The following ATRNL1 variants were observed in gnomAD, a reference collection of about 807,000 sequenced individuals.
ATRNL1 encodes the protein attractin-like protein 1.
Under a neutral mutation model 182.7 loss-of-function variants are expected in ATRNL1, and 95 were observed. The ratio of observed to expected loss-of-function variants is 0.52; its 90% confidence interval spans 0.44 to 0.62. ATRNL1 has a LOEUF of 0.62. ATRNL1 is among the 20% of genes least tolerant of loss of function. The pLI, the probability that ATRNL1 is intolerant of heterozygous loss-of-function variation, is 0.00. For missense variants in ATRNL1, 1,471 were observed against 1,679.5 expected (o/e 0.88, Z 2.17); for synonymous variants, 576 against 568.3 (o/e 1.01, Z -0.19).
intron 9 of ATRNL1, among the ~76,000 whole-genome samples, chr10:115,227,360 C>T: frequency 6.6e-6 from 1 of 152,084 alleles, no homozygotes; most frequent in South Asian, 2.1e-4. Context: ...AATGAGGTAT[C>T]ACACCAGTCA....
Position 115,467,209 on chromosome 10 carries a change from A to G in ATRNL1, c.3453A>G (p.Ser1151=). The G allele has an allele frequency of 6.2e-7, 1 of 1,605,066 alleles. No homozygotes were observed. Among genetic ancestry groups the G allele is most frequent in the Non-Finnish European group, 8.5e-7 (1 of 1,174,616 alleles). The change falls in exon 23 of 29, where the codon TCA becomes TCG. Residue 1151 remains serine (S), a synonymous_variant. Transcript: ENST00000355044. ...NKNLDISINA[S]NNFNLNITWS... ...ATCTGGATATATCAATTAATGCATC[A>G]AACAACTTTAATCTCAACATTACGT...
intron 27 of ATRNL1, among the ~76,000 whole-genome samples, chr10:115,821,631 A>C (rs1950301014): frequency 6.6e-6 from 1 of 152,206 alleles, no homozygotes; most frequent in Non-Finnish European, 1.5e-5. Context: ...AAGGGTTGCA[A>C]TCCTAGCCTC....
At chr10:115,140,479 A>C (rs1302490926) in intron 5 of ATRNL1, among the ~76,000 whole-genome samples, 2 of 152,238 alleles carry the variant, frequency 1.3e-5, no homozygotes, top group Non-Finnish European at 2.9e-5. Flanking sequence ...GTTAAGAGAC[A>C]AACCAGCAAG....
intron 28 of ATRNL1, among the ~76,000 whole-genome samples, chr10:115,921,668 A>G (rs1398123899): frequency 6.6e-6 from 1 of 152,206 alleles, no homozygotes; most frequent in African/African-American, 2.4e-5. Context: ...GGTGTTGAGA[A>G]CAAGTAGTAG....
At position 115,463,037 on chromosome 10, in the gene ATRNL1, T is replaced by G. The variant is rs573632671; in HGVS notation, c.3417+1002T>G. Among the ~76,000 whole-genome samples, 10 of 151,784 alleles carry G rather than the reference T, an allele frequency of 6.6e-5. No individual in the cohort carries two copies. In the South Asian group the frequency reaches 1.9e-3, roughly 28 times the overall value. On this transcript the variant is annotated intron_variant, in intron 22 of 28. Transcript: ENST00000355044. ...GAAGTTATGTTAAATATATATATTATTATTATGAATTCATCCATATTGTTA... is the reference window on the plus strand; with the variant it reads ...GAAGTTATGTTAAATATATATATTAGTATTATGAATTCATCCATATTGTTA...
intron 21 of ATRNL1, among the ~76,000 whole-genome samples, chr10:115,445,869 G>C (rs907117910): frequency 4.1e-4 from 2 of 4,930 alleles, no homozygotes; most frequent in Non-Finnish European, 8.2e-4. Flanking sequence ...TTTTGTGACT[G>C]ATTTCTTTCA....
At chr10:115,483,858 T>G (rs1565091223) in intron 24 of ATRNL1, among the ~76,000 whole-genome samples, 1 of 151,626 alleles carries the variant, frequency 6.6e-6, no homozygotes, top group Non-Finnish European at 1.5e-5. Flanking sequence ...TTTTGCACAC[T>G]CTAAGAAGGA....
intron 20 of ATRNL1, among the ~76,000 whole-genome samples, chr10:115,407,743 C>A (rs2063018400): frequency 2.0e-5 from 3 of 151,940 alleles, no homozygotes; most frequent in Admixed American, 1.3e-4. Flanking sequence ...GTATAAATAC[C>A]CAGTAGTGGG....
chr10:115,748,789 A>G (rs547541347), intron 27 of ATRNL1, among the ~76,000 whole-genome samples: 13 of 151,958 alleles, frequency 8.6e-5, no homozygotes, highest in Non-Finnish European at 1.6e-4. Flanking sequence ...CTTTAAGTGA[A>G]CCAATCGATT....
chr10:115,267,365 A>G (rs1160192204), intron 12 of ATRNL1, among the ~76,000 whole-genome samples: 1 of 150,782 alleles, frequency 6.6e-6, no homozygotes, highest in South Asian at 2.1e-4. Context: ...TCCATGTGGT[A>G]TTTTTTTTTC....
chr10:115,381,432 A>ATTTTTTTTTTTTTTTTTTTTTTTTTTTTT lies in ATRNL1; in HGVS notation c.3176-13210_3176-13209insTTTTTTTTTTTTTTTTTTTTTTTTTTTTT, dbSNP rs375127246. 4.4e-4 allele frequency among the ~76,000 whole-genome samples: 30 copies of ATTTTTTTTTTTTTTTTTTTTTTTTTTTTT among 68,536 alleles called. 6 individuals carry two copies. The highest frequency in any genetic ancestry group is 1.2e-3 in the African/African-American group (20 of 16,702). The allele number at this position is 68,536 out of a possible 152,430, so 45.0% of individuals were successfully genotyped here. A position where few individuals can be genotyped will look rare whatever the true frequency, so the allele number is the denominator to read the frequency against. ...CAGGCACATGCCACCATACCTGGCA[A>ATTTTTTTTTTTTTTTTTTTTTTTTTTTTT]TTTTTTTTTTTTTTTTTAGTAGACA... is the stretch of plus-strand genomic sequence containing the variant. On this transcript the variant is annotated intron_variant, in intron 19 of 28. Transcript: ENST00000355044.
chr10:115,391,762 C>T (rs1482559402), intron 19 of ATRNL1, among the ~76,000 whole-genome samples: 1 of 151,820 alleles, frequency 6.6e-6, no homozygotes, highest in Non-Finnish European at 1.5e-5. Flanking sequence ...AGTCTTATTC[C>T]ACTATCTTCC....
intron 10 of ATRNL1, among the ~76,000 whole-genome samples, chr10:115,263,218 A>G (rs1851465508): frequency 6.6e-6 from 1 of 151,876 alleles, no homozygotes; most frequent in African/African-American, 2.4e-5. Flanking sequence ...CATTTCTCCA[A>G]AGATATACAA....
chr10:115,365,553 C>T (rs540959588), intron 19 of ATRNL1, among the ~76,000 whole-genome samples: 5 of 152,130 alleles, frequency 3.3e-5, no homozygotes, highest in African/African-American at 7.2e-5. Context: ...TATTTCTTGC[C>T]TTCTGCTAGC....
intron 26 of ATRNL1, among the ~76,000 whole-genome samples, chr10:115,700,939 A>G (rs1192603686): frequency 1.3e-5 from 2 of 152,080 alleles, no homozygotes; most frequent in African/African-American, 4.8e-5. Flanking sequence ...CTTAAATTCT[A>G]TGCTTGACCA....
intron 27 of ATRNL1, among the ~76,000 whole-genome samples, chr10:115,843,070 G>T (rs1280834215): frequency 6.6e-6 from 1 of 152,008 alleles, no homozygotes; most frequent in Non-Finnish European, 1.5e-5. Context: ...TTCACCATGT[G>T]ACCTCTGTGA....
intron 27 of ATRNL1, among the ~76,000 whole-genome samples, chr10:115,732,975 T>G (rs571640453): frequency 6.6e-6 from 1 of 152,252 alleles, no homozygotes; most frequent in African/African-American, 2.4e-5. Context: ...TAATCTAAAT[T>G]GCTATAAAGA....
intron 8 of ATRNL1, among the ~76,000 whole-genome samples, chr10:115,198,599 T>G (rs1778839372): frequency 6.6e-6 from 1 of 152,198 alleles, no homozygotes; most frequent in South Asian, 2.1e-4. Flanking sequence ...TGTCATTAAC[T>G]TCTCGACTAT....
At chr10:115,431,070 A>T (rs1846136914) in intron 21 of ATRNL1, among the ~76,000 whole-genome samples, 1 of 152,144 alleles carries the variant, frequency 6.6e-6, no homozygotes, top group Admixed American at 6.5e-5. Context: ...CTTGGCACAC[A>T]CTGACGCTCA....
Sources: gnomAD v4.1 joint callset for allele counts (sites outside exome capture counted in the v4.1 genomes callset) on GRCh38, gnomAD v4.1.1 for gene constraint, MANE v1.5 for transcripts, NCBI Gene and HGNC (gene_info 2026-07-23, HGNC 2026-07-21) for gene names.